Variants in FAXDC2 observed in about 807,000 individuals in gnomAD.
FAXDC2 encodes fatty acid hydroxylase domain containing 2.
FAXDC2 carries 41 observed loss-of-function variants against 40.9 expected under a neutral mutation model. The ratio of observed to expected loss-of-function variants is 1.00; its 90% confidence interval spans 0.78 to 1.30. FAXDC2 has a LOEUF of 1.30. Ranked by LOEUF, FAXDC2 falls within the 50% of genes most tolerant of loss-of-function variation. The pLI is 0.00. For synonymous variants in FAXDC2, 157 were observed against 149.3 expected, an observed-to-expected ratio of 1.05 and a Z score of -0.38; for missense variants, 390 against 408.8, an observed-to-expected ratio of 0.95 and a Z score of 0.40.
chr5:154,838,202 G>GC, intron 1 of FAXDC2, 24 bp from the exon 2 acceptor site: 1 of 1,610,678 alleles, frequency 6.2e-7, no homozygotes, highest in South Asian at 1.1e-5. Flanking sequence ...GCACAGGCGA[G>GC]CCGGGGAGTT....
rs1759881686 is a variant in FAXDC2 at position 154,821,285 on chromosome 5, C to T, written c.820G>A (p.Glu274Lys). 6.2e-7 allele frequency: 1 copy of T among 1,611,822 alleles called. No individual in the cohort carries two copies. Among genetic ancestry groups the T allele is most frequent in the South Asian group, 1.1e-5 (1 of 90,898 alleles). The stretch of plus-strand genomic sequence containing the variant: ...TTGAGATGGTGGTAGTCGTGGAATT[C>T]AGGCGAAGGCAGGAAGGGAAGGTGG... ...GYHLPFLPSP[E>K]FHDYHHLKFN... Residue 274 changes from glutamate to lysine, a missense_variant, in exon 8 of 9, where the codon GAA (glutamate) becomes AAA (lysine). By Grantham distance (56) the Glu-to-Lys change is moderately conservative (BLOSUM62 1). Transcript: ENST00000326080.
At chr5:154,832,220 T>G (rs1472836170) in intron 4 of FAXDC2, among the ~76,000 whole-genome samples, 1 of 151,480 alleles carries the variant, frequency 6.6e-6, no homozygotes, top group Admixed American at 6.6e-5. Context: ...ACTTTTGTTT[T>G]TTTTTTTTTT....
chr5:154,820,458 T>C lies in FAXDC2; in HGVS notation c.860A>G (p.Tyr287Cys), dbSNP rs1170487484. The C allele has an allele frequency of 6.2e-7, 1 of 1,611,202 alleles. No individual in the cohort carries two copies. Among genetic ancestry groups the C allele is most frequent in the South Asian group, 1.1e-5 (1 of 90,744 alleles). ...DYHHLKFNQC[Y>C]GVLGVLDHLH... ...GTGGTCCAGCACACCCAGCACCCCA[T>C]AGCACTGGTTGAACCTAGAAGAGAG... Residue 287 changes from tyrosine (Y) to cysteine (C), a missense_variant, in exon 9 of 9, where the codon TAT (tyrosine) becomes TGT (cysteine). Transcript: ENST00000326080.
At chr5:154,831,970 T>C (rs1760204018) in intron 4 of FAXDC2, among the ~76,000 whole-genome samples, 1 of 152,008 alleles carries the variant, frequency 6.6e-6, no homozygotes, top group Non-Finnish European at 1.5e-5. Context: ...ATGGGAAGCT[T>C]AGAGTATTAA....
chr5:154,824,549 C>G, intron 5 of FAXDC2: 1 of 702,594 alleles, frequency 1.4e-6, no homozygotes, highest in Non-Finnish European at 2.6e-6. Context: ...GAGGCCAGGT[C>G]TCGCCAGCCT....
intron 1 of FAXDC2, among the ~76,000 whole-genome samples, chr5:154,844,247 T>C (rs192865065): frequency 6.0e-4 from 90 of 149,974 alleles, no homozygotes; most frequent in African/African-American, 2.1e-3. Context: ...CTGGAAAACA[T>C]AGTGAGACCC....
intron 1 of FAXDC2, among the ~76,000 whole-genome samples, chr5:154,848,576 G>C (rs1428572569): frequency 6.6e-6 from 1 of 152,174 alleles, no homozygotes; most frequent in Non-Finnish European, 1.5e-5. Context: ...ACAGTTTAAA[G>C]CCTCTGGTGA....
At chr5:154,839,473 G>A (rs949162313) in intron 1 of FAXDC2, among the ~76,000 whole-genome samples, 3 of 151,044 alleles carry the variant, frequency 2.0e-5, no homozygotes, top group African/African-American at 7.3e-5. Flanking sequence ...GAGACACCCT[G>A]TCTCTACAAA....
At chr5:154,828,096 T>G (rs1248381705) in intron 5 of FAXDC2, among the ~76,000 whole-genome samples, 2 of 151,940 alleles carry the variant, frequency 1.3e-5, no homozygotes, top group Non-Finnish European at 2.9e-5. Context: ...GTGATCCTCC[T>G]GCCTCAGACT....
At chr5:154,821,501 A>C in intron 7 of FAXDC2, 75 bp from the exon 8 acceptor site, 1 of 1,237,690 alleles carries the variant, frequency 8.1e-7, no homozygotes, top group South Asian at 1.6e-5. Context: ...CTTAGTCCCA[A>C]GGTGGTACCA....
chr5:154,844,224 A>T (rs1476053822), intron 1 of FAXDC2, among the ~76,000 whole-genome samples: 3 of 151,762 alleles, frequency 2.0e-5, no homozygotes, highest in African/African-American at 7.3e-5. Flanking sequence ...TCTCAAAAAA[A>T]AAAAAGACCA....
intron 1 of FAXDC2, among the ~76,000 whole-genome samples, chr5:154,839,398 T>C (rs1435551620): frequency 6.6e-6 from 1 of 150,962 alleles, no homozygotes; most frequent in Non-Finnish European, 1.5e-5. Context: ...GTCCCAACAC[T>C]TGGGGAGGCC....
intron 4 of FAXDC2, among the ~76,000 whole-genome samples, chr5:154,834,078 TTAAA>T (rs774114093): frequency 8.1e-5 from 12 of 148,626 alleles, no homozygotes; most frequent in East Asian, 5.8e-4. Flanking sequence ...ATAATATATA[TTAAA>T]TAAATTGTAT....
At chr5:154,836,105 C>G (rs1209511862) in intron 2 of FAXDC2, 1 of 151,750 alleles carries the variant, frequency 6.6e-6, no homozygotes, top group East Asian at 1.9e-4. Context: ...GCCATGTTGG[C>G]CAGGCTGGCC....
At chr5:154,834,812 A>C (rs1760278659) in intron 3 of FAXDC2, 31 bp downstream of exon 3, 1 of 1,592,564 alleles carries the variant, frequency 6.3e-7, no homozygotes, top group African/African-American at 1.3e-5. Flanking sequence ...CCACCACCAC[A>C]CTGCACCCTA....
rs561820223 is a variant in FAXDC2, at chr5:154,819,606, C to G, written c.*710G>C. On this transcript the variant is annotated 3_prime_UTR_variant, in exon 9 of 9. Transcript: ENST00000326080. The stretch of plus-strand genomic sequence containing the variant: ...AAGGCTAAAGGTGTTAAAGTTTGGT[C>G]TGCACCTCGTTGGTTTTAATCCAGG... 1 of 152,166 alleles carries G rather than the reference C, an allele frequency of 6.6e-6. No homozygotes were observed. Among genetic ancestry groups the G allele is most frequent in the Non-Finnish European group, 1.5e-5 (1 of 68,034 alleles). 9.4% of individuals were successfully genotyped at this position (152,166 alleles called of 1,614,324 possible).
chr5:154,847,959 C>T (rs1760639873), intron 1 of FAXDC2, among the ~76,000 whole-genome samples: 2 of 151,920 alleles, frequency 1.3e-5, no homozygotes, highest in African/African-American at 4.8e-5. Flanking sequence ...CCTGCCTCAG[C>T]CTCCCGAGTA....
intron 4 of FAXDC2, among the ~76,000 whole-genome samples, chr5:154,831,459 G>T (rs192441928): frequency 0.11 from 16,616 of 151,346 alleles, 1,028 homozygotes; most frequent in African/African-American, 0.17. Flanking sequence ...TTGTTTGTTT[G>T]TTTTTTTGAG....
chr5:154,826,360 T>C (rs1266752419), intron 5 of FAXDC2, among the ~76,000 whole-genome samples: 1 of 151,828 alleles, frequency 6.6e-6, no homozygotes, highest in Non-Finnish European at 1.5e-5. Flanking sequence ...AAACCCCGTC[T>C]CTACTAAAAA....
Sources: gnomAD v4.1 joint callset for allele counts (sites outside exome capture counted in the v4.1 genomes callset) on GRCh38, gnomAD v4.1.1 for gene constraint, MANE v1.5 for transcripts, NCBI Gene and HGNC (gene_info 2026-07-23, HGNC 2026-07-21) for gene names.